TXNDC5: variants seen among roughly 807,000 people sequenced by gnomAD.
The protein encoded by TXNDC5 is thioredoxin domain containing 5.
Under a neutral mutation model 52.6 loss-of-function variants are expected in TXNDC5, and 44 were observed. That is an observed-to-expected ratio of 0.84 (90% CI 0.66 to 1.08). TXNDC5 has a LOEUF of 1.08. TXNDC5 is among the 50% of genes least tolerant of loss of function. TXNDC5 has a pLI of 0.00. For missense variants in TXNDC5, 600 were observed against 565.5 expected (o/e 1.06, Z -0.62); for synonymous variants, 241 against 234.4 (o/e 1.03, Z -0.26).
rs1332348790 is a variant in TXNDC5 at position 7,888,688 on chromosome 6, C to A, written c.963+17G>T. ...CACGGGCCACTTATGGGGATCCCGA[C>A]TCCAGCAGGCACCCACCTTGTCAGC... On this transcript the variant is annotated intron_variant, in intron 7 of 9. Coordinates refer to ENST00000379757, the MANE Select transcript of TXNDC5 (RefSeq NM_030810.5). 3.7e-6 allele frequency: 6 copies of A among 1,601,398 alleles called. No individual in the cohort carries two copies. Among genetic ancestry groups the A allele is most frequent in the Non-Finnish European group, 5.1e-6 (6 of 1,175,822 alleles).
At chr6:7,907,913 C>G (rs1313129596) in intron 1 of TXNDC5, among the ~76,000 whole-genome samples, 2 of 152,174 alleles carry the variant, frequency 1.3e-5, no homozygotes, top group African/African-American at 4.8e-5. Flanking sequence ...CTGAAAGGGC[C>G]CTCTTAAAAG....
chr6:7,883,014 A>AGAT lies in TXNDC5; in HGVS notation c.*127_*129dup. 8.1e-7 allele frequency: 1 copy of AGAT among 1,242,230 alleles called. No homozygotes were observed. Among genetic ancestry groups the AGAT allele is most frequent in the Non-Finnish European group, 1.1e-6 (1 of 891,992 alleles). The allele number at this position is 1,242,230 out of a possible 1,614,324, so 77.0% of individuals were successfully genotyped here. A position where few individuals can be genotyped will look rare whatever the true frequency, so the allele number is the denominator to read the frequency against. ...GGCTTGGAAAACACACACACAAAGA[A>AGAT]GATACCTCACGCTTAGTATGTTCTG... On this transcript the variant is annotated 3_prime_UTR_variant, in exon 10 of 10. Coordinates refer to ENST00000379757, the MANE Select transcript of TXNDC5 (RefSeq NM_030810.5).
At position 7,909,730 on chromosome 6, in the gene TXNDC5, T is replaced by C. The variant is rs887724116; in HGVS notation, c.263+784A>G. On this transcript the variant is annotated intron_variant, in intron 1 of 9. Coordinates refer to ENST00000379757, the MANE Select transcript of TXNDC5 (RefSeq NM_030810.5). ...TTCCAGAATTCGCACTACCTTGGTCTTCCCGGGGTAGCTCAGCAACCCTCC... is the reference window on the plus strand; with the variant it reads ...TTCCAGAATTCGCACTACCTTGGTCCTCCCGGGGTAGCTCAGCAACCCTCC... 1.1e-5 allele frequency: 11 copies of C among 981,414 alleles called. No homozygotes were observed. In the African/African-American group the frequency reaches 1.9e-4, roughly 17 times the overall value. The allele number at this position is 981,414 out of a possible 1,614,324, so 60.8% of individuals were successfully genotyped here.
chr6:7,904,141 A>T (rs985658516), intron 2 of TXNDC5, among the ~76,000 whole-genome samples: 1 of 152,240 alleles, frequency 6.6e-6, no homozygotes, highest in African/African-American at 2.4e-5. Flanking sequence ...TTAACTGTCA[A>T]GGAAGTAAGT....
rs988816550 is a variant in TXNDC5, at chr6:7,887,518, G to A, written c.963+1187C>T. On this transcript the variant is annotated intron_variant, in intron 7 of 9. Transcript: ENST00000379757. Reference sequence around the variant, plus strand: ...TCCCTCCCTCTCCGCGCTGCACAGCGGCTGGACTCCTTATGCTGGCTTTCT... The same window carrying A: ...TCCCTCCCTCTCCGCGCTGCACAGCAGCTGGACTCCTTATGCTGGCTTTCT... Among the ~76,000 whole-genome samples the A allele has an allele frequency of 9.2e-5, 14 of 151,880 alleles. No individual in the cohort carries two copies. The South Asian group carries it at 1.0e-3, about 11-fold the overall frequency.
At chr6:7,904,745 A>C in intron 1 of TXNDC5, 22 bp from the exon 2 acceptor site, 1 of 1,614,150 alleles carries the variant, frequency 6.2e-7, no homozygotes, top group African/African-American at 1.3e-5. Flanking sequence ...CAAGAGTACA[A>C]GCACATTGAG....
At position 7,889,483 on chromosome 6, in the gene TXNDC5, G is replaced by T; in HGVS notation, c.819+12C>A. 1 of 1,612,432 alleles carries T rather than the reference G, an allele frequency of 6.2e-7. No homozygotes were observed. The highest frequency in any genetic ancestry group is 1.3e-5 in the African/African-American group (1 of 75,032). On this transcript the variant is annotated intron_variant, in intron 6 of 9. Transcript: ENST00000379757. ...GATGAAGAATTCTCAGTACTAAGAA[G>T]TGCAGACGTACCTTTTTCCCATCTC...
Position 7,891,716 on chromosome 6 carries a change from A to C in TXNDC5, c.637T>G (p.Phe213Val), listed in dbSNP as rs1170244024. 6.2e-7 allele frequency: 1 copy of C among 1,613,650 alleles called. No individual in the cohort carries two copies. The highest frequency in any genetic ancestry group is 8.5e-7 in the Non-Finnish European group (1 of 1,179,766). ...VAQGDHFIKF[F>V]APWCGHCKAL... ...TTGCAGTGACCACACCACGGAGCGA[A>C]GAACTTGATAAAGTGGTCGCCTGGA... Residue 213 changes from phenylalanine (F) to valine (V), a missense_variant, in exon 5 of 10, where the codon TTC (phenylalanine) becomes GTC (valine). Phe to Val is a conservative substitution (Grantham distance 50). Coordinates refer to ENST00000379757, the MANE Select transcript of TXNDC5 (RefSeq NM_030810.5).
At position 7,888,834 on chromosome 6, in the gene TXNDC5, C is replaced by T. The variant is rs771712422; in HGVS notation, c.834G>A (p.Lys278=). 2.5e-6 allele frequency: 4 copies of T among 1,612,074 alleles called. No homozygotes were observed. Among genetic ancestry groups the T allele is most frequent in the Admixed American group, 3.3e-5 (2 of 59,758 alleles). ...FRDGKKVDQY[K]GKRDLESLRE... Reference sequence around the variant, plus strand: ...TCAGTGACTCCAAATCCCGCTTTCCCTTGTACTGATCCACCTGGCCAAGAC... The same window carrying T: ...TCAGTGACTCCAAATCCCGCTTTCCTTTGTACTGATCCACCTGGCCAAGAC... Residue 278 remains lysine (K), a synonymous_variant, in exon 7 of 10, where the codon AAG becomes AAA. Transcript: ENST00000379757.
rs2113336410 is a variant in TXNDC5 at position 7,891,675 on chromosome 6, G to C, written c.678C>G (p.Thr226=). 1 of 1,614,074 alleles carries C rather than the reference G, an allele frequency of 6.2e-7. No homozygotes were observed. Among genetic ancestry groups the C allele is most frequent in the African/African-American group, 1.3e-5 (1 of 75,052 alleles). ...WCGHCKALAP[T]WEQLALGLEH... is the part of the protein sequence containing the mutation. ...CAAGGCCCAGAGCCAGCTGCTCCCA[G>C]GTTGGAGCCAGGGCTTTGCAGTGAC... is the stretch of plus-strand genomic sequence containing the variant. Residue 226 remains threonine, a synonymous_variant, in exon 5 of 10, where the codon ACC becomes ACG. Coordinates refer to ENST00000379757, the MANE Select transcript of TXNDC5 (RefSeq NM_030810.5).
At chr6:7,896,677 T>G (rs979767724) in intron 3 of TXNDC5, among the ~76,000 whole-genome samples, 2 of 152,252 alleles carry the variant, frequency 1.3e-5, no homozygotes, top group Non-Finnish European at 1.5e-5. Context: ...AAGTGAACAG[T>G]CAATGGGTGC....
At chr6:7,901,778 A>G (rs1322826027) in intron 2 of TXNDC5, among the ~76,000 whole-genome samples, 6 of 152,248 alleles carry the variant, frequency 3.9e-5, no homozygotes, top group Non-Finnish European at 7.3e-5. Context: ...AGGAGACTGC[A>G]GGGAGAAAAT....
intron 3 of TXNDC5, among the ~76,000 whole-genome samples, chr6:7,898,373 G>A (rs1230234644): frequency 6.6e-6 from 1 of 152,184 alleles, no homozygotes; most frequent in East Asian, 1.9e-4. Context: ...GAGAGTCTTT[G>A]CAGGTGAGGG....
rs1044407935 is a variant in TXNDC5, at chr6:7,882,248, G to C, written c.*896C>G. On this transcript the variant is annotated 3_prime_UTR_variant, in exon 10 of 10. Transcript: ENST00000379757. ...GAGCCTCCCTGGATACCCAGGCCTGGGAAAGCCTGTCTGGTCTTGTCACCC... is the reference window on the plus strand; with the variant it reads ...GAGCCTCCCTGGATACCCAGGCCTGCGAAAGCCTGTCTGGTCTTGTCACCC... 6.6e-6 allele frequency: 1 copy of C among 152,536 alleles called. No individual in the cohort carries two copies. The highest frequency in any genetic ancestry group is 1.5e-5 in the Non-Finnish European group (1 of 68,024). The allele number at this position is 152,536 out of a possible 1,614,324, so 9.4% of individuals were successfully genotyped here.
chr6:7,902,076 G>A (rs114290517), intron 2 of TXNDC5, among the ~76,000 whole-genome samples: 140 of 152,292 alleles, frequency 9.2e-4, no homozygotes, highest in African/African-American at 3.3e-3. Flanking sequence ...GAGGACGGCA[G>A]TGATGCATCT....
At chr6:7,884,744 G>C (rs965003040) in intron 8 of TXNDC5, among the ~76,000 whole-genome samples, 1 of 152,230 alleles carries the variant, frequency 6.6e-6, no homozygotes, top group Non-Finnish European at 1.5e-5. Context: ...AACAAGTTGA[G>C]ATTCTGAGAC....
intron 1 of TXNDC5, among the ~76,000 whole-genome samples, chr6:7,909,601 G>A (rs1033744814): frequency 2.6e-5 from 4 of 152,184 alleles, no homozygotes; most frequent in South Asian, 2.1e-4. Context: ...AAGTGACCTG[G>A]ACCCGAGAGA....
rs1581299736 is a variant in TXNDC5, at chr6:7,881,519, T to TC, written c.*1624_*1625insG. 2 of 152,120 alleles carry TC rather than the reference T, an allele frequency of 1.3e-5. No individual in the cohort carries two copies. Among genetic ancestry groups the TC allele is most frequent in the Non-Finnish European group, 2.9e-5 (2 of 67,914 alleles). 9.4% of individuals were successfully genotyped at this position (152,120 alleles called of 1,614,324 possible). A position where few individuals can be genotyped will look rare whatever the true frequency, so the allele number is the denominator to read the frequency against. On this transcript the variant is annotated 3_prime_UTR_variant, in exon 10 of 10. Coordinates refer to ENST00000379757, the MANE Select transcript of TXNDC5 (RefSeq NM_030810.5). ...TAACATTGAAGGAAAGACCAGACTT[T>TC]TAAAAAAAAAGAGTTTATTTAGAAA... is the stretch of plus-strand genomic sequence containing the variant.
intron 1 of TXNDC5, among the ~76,000 whole-genome samples, chr6:7,909,480 G>A (rs1172414193): frequency 1.3e-5 from 2 of 152,210 alleles, no homozygotes; most frequent in African/African-American, 4.8e-5. Context: ...TGAGTGCCAG[G>A]GTAGGGTCTC....
Sources: allele counts gnomAD v4.1 joint callset (sites outside exome capture counted in the v4.1 genomes callset), GRCh38; gene constraint gnomAD v4.1.1; transcripts MANE v1.5; gene names NCBI Gene and HGNC (gene_info 2026-07-23, HGNC 2026-07-21).